Variants in ZNF385D observed in about 807,000 individuals in gnomAD.
The protein encoded by ZNF385D is zinc finger protein 659.
In ZNF385D, 15 loss-of-function variants were observed where a neutral mutation model predicts 35.8. The ratio of observed to expected loss-of-function variants is 0.42; its 90% CI spans 0.28 to 0.64. The LOEUF (loss-of-function observed/expected upper bound fraction) is 0.64, where lower values mean the gene tolerates loss of function less well. Ranked by LOEUF, ZNF385D falls within the 30% of genes least tolerant of loss-of-function variation. The probability of loss-of-function intolerance (pLI) is 0.23; values close to 1 mark genes in which losing one functional copy is unlikely to be tolerated. For synonymous variants in ZNF385D, 212 were observed against 186.8 expected (o/e 1.13, Z -1.10); for missense variants, 474 against 494.6 (o/e 0.96, Z 0.39).
chr3:22,022,160 A>C (rs1478626659), intron 3 of ZNF385D, among the ~76,000 whole-genome samples: 1 of 152,166 alleles, frequency 6.6e-6, no homozygotes, highest in Non-Finnish European at 1.5e-5. Flanking sequence ...ATCACCTAGA[A>C]TTATAAATCT....
At chr3:22,289,772 C>T (rs1702203298) in intron 2 of ZNF385D, among the ~76,000 whole-genome samples, 1 of 152,124 alleles carries the variant, frequency 6.6e-6, no homozygotes, top group Non-Finnish European at 1.5e-5. Flanking sequence ...CTGATGCATG[C>T]ACCAATGCCT....
chr3:21,819,345 A>G (rs1206684920), intron 3 of ZNF385D, among the ~76,000 whole-genome samples: 1 of 151,760 alleles, frequency 6.6e-6, no homozygotes, highest in Non-Finnish European at 1.5e-5. Flanking sequence ...AAAATAGAAT[A>G]GTTATATGCT....
intron 3 of ZNF385D, among the ~76,000 whole-genome samples, chr3:21,770,190 G>T (rs548438992): frequency 2.0e-5 from 3 of 152,138 alleles, no homozygotes; most frequent in African/African-American, 4.8e-5. Context: ...AGGACTTCAT[G>T]TCTAAAACAC....
chr3:22,018,966 A>G (rs1333302197), intron 3 of ZNF385D, among the ~76,000 whole-genome samples: 9 of 147,576 alleles, frequency 6.1e-5, no homozygotes, highest in Non-Finnish European at 1.3e-4. Context: ...GTCTCTACCC[A>G]CAAACACCTA....
chr3:21,786,996 T>C (rs2071714534), intron 3 of ZNF385D, among the ~76,000 whole-genome samples: 1 of 152,218 alleles, frequency 6.6e-6, no homozygotes, highest in African/African-American at 2.4e-5. Context: ...ATCTTCATTC[T>C]TGCCTGAAAC....
chr3:21,546,950 C>T (rs1483852191), intron 3 of ZNF385D, among the ~76,000 whole-genome samples: 2 of 152,110 alleles, frequency 1.3e-5, no homozygotes, highest in Non-Finnish European at 2.9e-5. Flanking sequence ...TCTTCCCTCT[C>T]TGCCCTACAT....
At chr3:22,333,237 G>A (rs553316950) in intron 2 of ZNF385D, among the ~76,000 whole-genome samples, 48 of 152,136 alleles carry the variant, frequency 3.2e-4, no homozygotes, top group African/African-American at 1.2e-3. Context: ...TTTCTCAGCC[G>A]CTGGCTTTCA....
chr3:21,449,374 A>G (rs901392044), intron 4 of ZNF385D, among the ~76,000 whole-genome samples: 1 of 152,148 alleles, frequency 6.6e-6, no homozygotes, highest in Non-Finnish European at 1.5e-5. Flanking sequence ...CTTGTTACGT[A>G]AGAGTTAAAT....
At chr3:21,970,458 A>C (rs2125339156) in intron 3 of ZNF385D, among the ~76,000 whole-genome samples, 1 of 151,388 alleles carries the variant, frequency 6.6e-6, no homozygotes, top group South Asian at 2.1e-4. Flanking sequence ...CAAGCAAAAG[A>C]AATAAATAGT....
chr3:22,195,633 A>G (rs1405426273), intron 2 of ZNF385D, among the ~76,000 whole-genome samples: 2 of 152,030 alleles, frequency 1.3e-5, no homozygotes, highest in Non-Finnish European at 2.9e-5. Flanking sequence ...TTCAAAAATG[A>G]CTATACTTTT....
chr3:21,744,095 A>T (rs57329592), intron 1 of ZNF385D, among the ~76,000 whole-genome samples: 11,754 of 152,180 alleles, frequency 0.077, 872 homozygotes, highest in East Asian at 0.28. Flanking sequence ...ATTGACATAG[A>T]GTCTACACCT....
intron 3 of ZNF385D, among the ~76,000 whole-genome samples, chr3:21,819,625 T>C (rs2073304324): frequency 7.1e-6 from 1 of 140,748 alleles, no homozygotes; most frequent in South Asian, 2.3e-4. Flanking sequence ...TATGTATGTA[T>C]TATATAATTA....
intron 3 of ZNF385D, among the ~76,000 whole-genome samples, chr3:22,126,679 T>C (rs1217659464): frequency 6.6e-6 from 1 of 152,204 alleles, no homozygotes; most frequent in Non-Finnish European, 1.5e-5. Flanking sequence ...AAATGTTCTG[T>C]AGATATATAT....
chr3:22,036,425 G>C (rs1450551556), intron 3 of ZNF385D, among the ~76,000 whole-genome samples: 1 of 152,040 alleles, frequency 6.6e-6, no homozygotes, highest in Non-Finnish European at 1.5e-5. Context: ...AAGCATGTGA[G>C]TAATATCAAT....
At chr3:22,165,199 C>G (rs751337506) in intron 3 of ZNF385D, among the ~76,000 whole-genome samples, 13 of 152,152 alleles carry the variant, frequency 8.5e-5, no homozygotes, top group Admixed American at 2.0e-4. Flanking sequence ...TCAGTTGTAA[C>G]AAATGTAGCA....
At chr3:22,039,536 TAG>T (rs1698538478) in intron 3 of ZNF385D, among the ~76,000 whole-genome samples, 1 of 152,094 alleles carries the variant, frequency 6.6e-6, no homozygotes, top group African/African-American at 2.4e-5. Context: ...TGCATCAGAC[TAG>T]AGAGGAGTCA....
Position 21,900,582 on chromosome 3 carries a change from G to A in ZNF385D, c.326-235554C>T, listed in dbSNP as rs1275611354. Among the ~76,000 whole-genome samples the A allele has an allele frequency of 2.6e-5, 4 of 151,990 alleles. No homozygotes were observed. The East Asian group carries it at 7.7e-4, about 29-fold the overall frequency. On this transcript the variant is annotated intron_variant, in intron 3 of 5. Transcript: ENST00000494108. ...GTTCTTAGAAAAATAGCAAAACAAA[G>A]CAATAGATACATGGGGCCAGAATAA...
At chr3:22,171,794 G>A (rs991560982) in intron 2 of ZNF385D, among the ~76,000 whole-genome samples, 1 of 149,356 alleles carries the variant, frequency 6.7e-6, no homozygotes, top group Admixed American at 6.7e-5. Context: ...GGAGAATGGA[G>A]TGAACCCGGG....
chr3:22,150,841 C>A (rs1471726140), intron 3 of ZNF385D, among the ~76,000 whole-genome samples: 1 of 151,958 alleles, frequency 6.6e-6, no homozygotes, highest in Non-Finnish European at 1.5e-5. Context: ...GTGTAGAGTG[C>A]ATATAAGGGT....
Sources: gnomAD v4.1 joint callset for allele counts (sites outside exome capture counted in the v4.1 genomes callset) on GRCh38, gnomAD v4.1.1 for gene constraint, MANE v1.5 for transcripts, NCBI Gene and HGNC (gene_info 2026-07-23, HGNC 2026-07-21) for gene names.